Variants in ACY1 observed in about 807,000 individuals in gnomAD.
ACY1 encodes the protein aminoacylase-1.
A neutral mutation model predicts 53.3 loss-of-function variants in ACY1; 38 were observed. That is an observed-to-expected ratio of 0.71 (90% CI 0.55 to 0.93). ACY1 has a LOEUF of 0.93. ACY1 is among the 40% of genes least tolerant of loss of function. The pLI is 0.00. For synonymous variants in ACY1, 177 were observed against 202.1 expected, an observed-to-expected ratio of 0.88 and a Z score of 1.05; for missense variants, 484 against 540.9, an observed-to-expected ratio of 0.89 and a Z score of 1.04.
chr3:51,988,578 G>A lies in ACY1; in HGVS notation c.976G>A (p.Ala326Thr). The A allele has an allele frequency of 6.2e-7, 1 of 1,614,200 alleles. No individual in the cohort carries two copies. The highest frequency in any genetic ancestry group is 8.5e-7 in the Non-Finnish European group (1 of 1,180,020). ...PTDDSNPWWA[A>T]FSRVCKDMNL... is the part of the protein sequence containing the mutation. ...TGATGACTCAAACCCTTGGTGGGCA[G>A]CTTTTAGCCGGGTCTGCAAGGATAT... Residue 326 changes from alanine to threonine, a missense_variant, in exon 13 of 15, where the codon GCT becomes ACT. Coordinates refer to ENST00000636358, the MANE Select transcript of ACY1 (RefSeq NM_000666.3).
chr3:51,988,964 G>A lies in ACY1; in HGVS notation c.1116G>A (p.Leu372=). The A allele has an allele frequency of 1.2e-6, 2 of 1,614,176 alleles. No homozygotes were observed. The highest frequency in any genetic ancestry group is 1.7e-6 in the Non-Finnish European group (2 of 1,180,042). ...FSPMNRTPVL[L]HDHDERLHEA... Reference sequence around the variant, plus strand: ...CCATGAACCGCACACCTGTGCTGCTGCACGACCACGATGAACGGCTGCATG... The same window carrying A: ...CCATGAACCGCACACCTGTGCTGCTACACGACCACGATGAACGGCTGCATG... The change falls in exon 15 of 15, where the codon CTG becomes CTA. Residue 372 remains leucine (L), a synonymous_variant. Transcript: ENST00000636358.
intron 1 of ACY1, 84 bp downstream of exon 1, chr3:51,983,673 T>G: frequency 1.8e-5 from 5 of 271,524 alleles, no homozygotes; most frequent in Non-Finnish European, 2.9e-5. Flanking sequence ...GTTTTTCTTG[T>G]TTGTTTTTTG....
chr3:51,986,549 A>G (rs1701065375), intron 7 of ACY1, 45 bp downstream of exon 7: 1 of 1,613,884 alleles, frequency 6.2e-7, no homozygotes, highest in Admixed American at 1.7e-5. Context: ...AGGGAGTAGG[A>G]GGCTGCTAGT....
In ACY1 at chr3:51,987,389, A is replaced by G; in HGVS notation, c.788A>G (p.Asn263Ser). Residue 263 changes from asparagine (N) to serine (S), a missense_variant, in exon 11 of 15, where the codon AAC (asparagine) becomes AGC (serine). By Grantham distance (46) the Asn-to-Ser change is conservative (BLOSUM62 1). Transcript: ENST00000636358. ...AAGCTAGAGGGTGGCGTGGCCTATA[A>G]CGTGATACCTGCCACCATGAGCGCC... ...LTKLEGGVAY[N>S]VIPATMSASF... 1.2e-6 allele frequency: 2 copies of G among 1,614,090 alleles called. No individual in the cohort carries two copies. The highest frequency in any genetic ancestry group is 8.5e-7 in the Non-Finnish European group (1 of 1,180,010).
At chr3:51,988,242 C>A (rs767925735) in intron 12 of ACY1, 9 of 541,510 alleles carry the variant, frequency 1.7e-5, no homozygotes, top group Non-Finnish European at 3.0e-5. Context: ...GAGTATCCAA[C>A]TAGTCTGAGA....
At chr3:51,986,128 T>C (rs1701047261) in intron 5 of ACY1, 127 bp from the exon 6 acceptor site, 1 of 1,116,154 alleles carries the variant, frequency 9.0e-7, no homozygotes, top group Admixed American at 2.0e-5. Flanking sequence ...GCAGGGACTT[T>C]CTGGAGTCCC....
At chr3:51,988,470 A>C in intron 12 of ACY1, 54 bp from the exon 13 acceptor site, 2 of 1,534,378 alleles carry the variant, frequency 1.3e-6, no homozygotes, top group Non-Finnish European at 1.8e-6. Flanking sequence ...TATGGGAAAT[A>C]GGGCAAGATG....
At chr3:51,986,070 C>T (rs2106833551) in intron 5 of ACY1, 124 bp downstream of exon 5, 1 of 1,119,346 alleles carries the variant, frequency 8.9e-7, no homozygotes, top group East Asian at 2.6e-5. Flanking sequence ...TGGACAGGAA[C>T]TACTGCCATG....
chr3:51,986,018 G>T, intron 5 of ACY1, 72 bp downstream of exon 5: 1 of 1,447,182 alleles, frequency 6.9e-7, no homozygotes. Flanking sequence ...GACCTGAGGG[G>T]GTGATTGGAG....
At chr3:51,984,840 GAAAAA>G (rs1221979628) in intron 2 of ACY1, 1 of 211,536 alleles carries the variant, frequency 4.7e-6, no homozygotes, top group African/African-American at 2.6e-5. Context: ...AAAAGGAAAA[GAAAAA>G]AAAAAAACTT....
chr3:51,985,361 G>A lies in ACY1; in HGVS notation c.160G>A (p.Val54Met), dbSNP rs1416166776. ...CACCTACCCTCCTGACCATCTCCAG[G>A]TGGCACCTGGCTATGTGGTGACCGT... The part of the protein sequence containing the change: ...QLGLGCQKVE[V>M]APGYVVTVLT... Residue 54 changes from valine (V) to methionine (M), a missense_variant and splice_region_variant, in exon 4 of 15, where the codon GTG (valine) becomes ATG (methionine). By Grantham distance (21) the Val-to-Met change is conservative. Transcript: ENST00000636358. 6.2e-7 allele frequency: 1 copy of A among 1,614,154 alleles called. No individual in the cohort carries two copies. The highest frequency in any genetic ancestry group is 1.3e-5 in the African/African-American group (1 of 75,032).
chr3:51,988,081 G>T (rs1484103190), intron 12 of ACY1: 4 of 320,886 alleles, frequency 1.2e-5, no homozygotes, highest in African/African-American at 8.6e-5. Context: ...GGCCAGGCTT[G>T]TCTCGAACTC....
At chr3:51,984,462 G>A in intron 2 of ACY1, 2 of 476,570 alleles carry the variant, frequency 4.2e-6, no homozygotes, top group Non-Finnish European at 7.7e-6. Flanking sequence ...ACAGGGAAAG[G>A]AGAGGCCCTC....
chr3:51,988,726 G>A (rs41292352), intron 13 of ACY1, 40 bp from the exon 14 acceptor site: 52,050 of 1,607,622 alleles, frequency 0.032, 962 homozygotes, highest in Middle Eastern at 0.058. Flanking sequence ...TCAATTCTTC[G>A]CTTTCTCCCT....
chr3:51,987,036 T>G lies in ACY1; in HGVS notation c.632T>G (p.Met211Arg). ...AGGCCAGGCCATGCCTCACGCTTCATGGAGGACACAGCAGCAGAGAAGCTG... is the reference window on the plus strand; with the variant it reads ...AGGCCAGGCCATGCCTCACGCTTCAGGGAGGACACAGCAGCAGAGAAGCTG... ...TGRPGHASRF[M>R]EDTAAEKLHK... is the part of the protein sequence containing the mutation. Residue 211 changes from methionine (M) to arginine (R), a missense_variant, in exon 9 of 15, where the codon ATG (methionine) becomes AGG (arginine). Transcript: ENST00000636358. The G allele has an allele frequency of 1.9e-6, 3 of 1,613,676 alleles. No homozygotes were observed. Among genetic ancestry groups the G allele is most frequent in the Non-Finnish European group, 2.5e-6 (3 of 1,180,004 alleles).
chr3:51,986,227 C>CGGGAGAAGGAATGG, intron 5 of ACY1, 28 bp from the exon 6 acceptor site: 1 of 1,612,268 alleles, frequency 6.2e-7, no homozygotes, highest in Non-Finnish European at 8.5e-7. Context: ...CTGGTGGCTC[C>CGGGAGAAGGAATGG]CCCAGCACCT....
rs1388561428 is a variant in ACY1 at position 51,987,581 on chromosome 3, GGT to G, written c.880_881del (p.Cys294ProfsTer24). On this transcript the variant is annotated frameshift_variant, in exon 12 of 15. Transcript: ENST00000636358. LOFTEE classifies it high-confidence loss of function. ...GCTTTTGAGGAGCAGCTGCAGAGCT[GGT>G]GCCAGGCAGCTGGCGAGGGGGTCAC... is the stretch of plus-strand genomic sequence containing the variant. 1.4e-5 allele frequency: 23 copies of G among 1,614,120 alleles called. No homozygotes were observed. Among genetic ancestry groups the G allele is most frequent in the Non-Finnish European group, 1.9e-5 (23 of 1,180,010 alleles).
intron 5 of ACY1, 147 bp from the exon 6 acceptor site, chr3:51,986,108 C>A: frequency 9.2e-7 from 1 of 1,081,412 alleles, no homozygotes; most frequent in Non-Finnish European, 1.4e-6. Flanking sequence ...GAGATTCAGA[C>A]CAGAGAGGGG....
rs781222137 is a variant in ACY1 at position 51,988,537 on chromosome 3, C to T, written c.935C>T (p.Pro312Leu). ...TLEFAQKWMHPQVTPTDDSNP... is the reference protein window; with the variant it reads ...TLEFAQKWMHLQVTPTDDSNP... ...CCTGTCCCTCAGAAGTGGATGCACC[C>T]CCAAGTGACACCTACTGATGACTCA... The change falls in exon 13 of 15, where the codon CCC becomes CTC. Residue 312 changes from proline to leucine, a missense_variant. Transcript: ENST00000636358. 25 of 1,614,030 alleles carry T rather than the reference C, an allele frequency of 1.5e-5. No individual in the cohort carries two copies. The East Asian group carries it at 5.1e-4, about 33-fold the overall frequency.
Sources: allele counts gnomAD v4.1 joint callset, GRCh38; gene constraint gnomAD v4.1.1; transcripts MANE v1.5; gene names NCBI Gene and HGNC (gene_info 2026-07-23, HGNC 2026-07-21).